The following MGAT4C variants were observed in gnomAD, a reference collection of about 807,000 sequenced individuals.
The protein encoded by MGAT4C is alpha-1,3-mannosyl-glycoprotein 4-beta-N-acetylglucosaminyltransferase C.
Under a neutral mutation model 40.1 loss-of-function variants are expected in MGAT4C, and 19 were observed. The ratio of observed to expected loss-of-function variants is 0.47; its 90% CI spans 0.33 to 0.70. The LOEUF is 0.70. Ranked by LOEUF, MGAT4C falls within the 30% of genes least tolerant of loss-of-function variation. The probability of loss-of-function intolerance (pLI) is 0.02; values close to 1 mark genes in which losing one functional copy is unlikely to be tolerated. For missense variants in MGAT4C, 491 were observed against 563.2 expected, an observed-to-expected ratio of 0.87 and a Z score of 1.30; for synonymous variants, 181 against 187.1, an observed-to-expected ratio of 0.97 and a Z score of 0.27.
chr12:86,684,472 A>G (rs1950036166), intron 2 of MGAT4C, among the ~76,000 whole-genome samples: 1 of 152,200 alleles, frequency 6.6e-6, no homozygotes, highest in Admixed American at 6.5e-5. Context: ...TGCTCAGGTA[A>G]ATAGTGCTGG....
intron 4 of MGAT4C, among the ~76,000 whole-genome samples, chr12:85,981,006 C>T (rs996394708): frequency 6.6e-6 from 1 of 151,768 alleles, no homozygotes; most frequent in African/African-American, 2.4e-5. Flanking sequence ...TACTAGAATT[C>T]GTAATTGGAC....
intron 3 of MGAT4C, among the ~76,000 whole-genome samples, chr12:86,375,468 G>T (rs1336907327): frequency 6.6e-6 from 1 of 151,808 alleles, no homozygotes; most frequent in Admixed American, 6.6e-5. Flanking sequence ...ATCATCTAAG[G>T]TTTATTTTTT....
chr12:86,066,964 T>C (rs1894603399), intron 1 of MGAT4C, among the ~76,000 whole-genome samples: 1 of 152,116 alleles, frequency 6.6e-6, no homozygotes, highest in Non-Finnish European at 1.5e-5. Flanking sequence ...AAAAAGCTCA[T>C]CATCACTGGT....
rs148652337 is a variant in MGAT4C at position 86,017,128 on chromosome 12, T to C, written c.-6-27576A>G. ...TCTGATCTTCTTAAATTTGAAAACA[T>C]TTAAAAAAAACGTATTATATCACTT... On this transcript the variant is annotated intron_variant, in intron 2 of 4. Transcript: ENST00000611864. Among the ~76,000 whole-genome samples, 737 of 152,184 alleles carry C rather than the reference T, an allele frequency of 4.8e-3. 8 individuals carry two copies. The highest frequency in any genetic ancestry group is 4.6e-3 in the Non-Finnish European group (311 of 67,992).
intron 1 of MGAT4C, among the ~76,000 whole-genome samples, chr12:86,163,276 C>T (rs1885811999): frequency 6.6e-6 from 1 of 151,928 alleles, no homozygotes; most frequent in Admixed American, 6.6e-5. Flanking sequence ...AAACCTACTG[C>T]AGGCTCCAAT....
rs139054314 is a variant in MGAT4C at position 85,971,394 on chromosome 12, G to A, written c.*7895C>T. 32 of 150,996 alleles carry A rather than the reference G, an allele frequency of 2.1e-4. No individual in the cohort carries two copies. The East Asian group carries it at 5.2e-3, about 25-fold the overall frequency. The allele number at this position is 150,996 out of a possible 1,614,324, so 9.4% of individuals were successfully genotyped here. ...TGTTGTTAACTTTTCAAAGATGATC[G>A]GTTTAGATTGCTTTAACTTGAAGGA... On this transcript the variant is annotated 3_prime_UTR_variant, in exon 5 of 5. Transcript: ENST00000611864.
chr12:86,437,655 T>A (rs2136274987), intron 2 of MGAT4C, among the ~76,000 whole-genome samples: 1 of 152,072 alleles, frequency 6.6e-6, no homozygotes, highest in Non-Finnish European at 1.5e-5. Flanking sequence ...TTGAATAAAT[T>A]ATCAGCACCA....
At chr12:86,381,172 T>C (rs893568343) in intron 3 of MGAT4C, among the ~76,000 whole-genome samples, 2 of 152,130 alleles carry the variant, frequency 1.3e-5, no homozygotes, top group East Asian at 3.9e-4. Flanking sequence ...TATAATGGTG[T>C]TCATTTGTCA....
chr12:86,180,949 A>G (rs1028484136), intron 1 of MGAT4C, among the ~76,000 whole-genome samples: 1 of 152,078 alleles, frequency 6.6e-6, no homozygotes, highest in Non-Finnish European at 1.5e-5. Context: ...ATGGAATGAT[A>G]TGGTTTGGCT....
chr12:85,985,285 T>C (rs181421110), intron 3 of MGAT4C, among the ~76,000 whole-genome samples: 62 of 152,278 alleles, frequency 4.1e-4, no homozygotes, highest in Admixed American at 2.4e-3. Flanking sequence ...TACTTCTACT[T>C]CGCATCAATC....
intron 3 of MGAT4C, among the ~76,000 whole-genome samples, chr12:86,346,103 T>C (rs1955026620): frequency 6.6e-6 from 1 of 152,226 alleles, no homozygotes; most frequent in South Asian, 2.1e-4. Flanking sequence ...AAATGCTATT[T>C]ATATAAATTG....
At chr12:86,377,389 A>G (rs146845816) in intron 3 of MGAT4C, among the ~76,000 whole-genome samples, 5,116 of 152,168 alleles carry the variant, frequency 0.034, 131 homozygotes, top group Non-Finnish European at 0.047. Flanking sequence ...CAAAAATCTT[A>G]CTGCTTTTTT....
At chr12:86,766,980 C>T (rs145362211) in intron 1 of MGAT4C, among the ~76,000 whole-genome samples, 2,948 of 152,140 alleles carry the variant, frequency 0.019, 40 homozygotes, top group Non-Finnish European at 0.029. Flanking sequence ...AGAGCAAACA[C>T]ATTCAAAAGG....
chr12:86,769,458 G>C (rs111876871), intron 1 of MGAT4C, among the ~76,000 whole-genome samples: 37 of 152,224 alleles, frequency 2.4e-4, no homozygotes, highest in Admixed American at 6.5e-4. Flanking sequence ...TCAGTGTGGC[G>C]ATTCCTCAGG....
At chr12:86,637,822 C>T (rs1224386147) in intron 2 of MGAT4C, among the ~76,000 whole-genome samples, 1 of 151,954 alleles carries the variant, frequency 6.6e-6, no homozygotes, top group Non-Finnish European at 1.5e-5. Flanking sequence ...TATCTACATA[C>T]ATCTTAGTCT....
Position 86,325,898 on chromosome 12 carries a change from T to C in MGAT4C, c.-57+8167A>G, listed in dbSNP as rs140880667. On this transcript the variant is annotated intron_variant, in intron 4 of 7. Transcript: ENST00000548651. ...TCTCCAAAAAGAAAAAAAAAAATAA[T>C]AATGCTTGACACAGGGTTCCCTATA... is the stretch of plus-strand genomic sequence containing the variant. Among the ~76,000 whole-genome samples the C allele has an allele frequency of 3.0e-3, 454 of 151,494 alleles. 2 individuals carry two copies. Among genetic ancestry groups the C allele is most frequent in the African/African-American group, 0.01 (433 of 41,328 alleles).
At chr12:86,568,563 T>TATAC (rs1555205569) in intron 2 of MGAT4C, among the ~76,000 whole-genome samples, 1 of 150,044 alleles carries the variant, frequency 6.7e-6, no homozygotes, top group Non-Finnish European at 1.5e-5. Flanking sequence ...TATATATATA[T>TATAC]ATATCCTGTT....
At chr12:86,304,140 A>C (rs1289269875) in intron 4 of MGAT4C, among the ~76,000 whole-genome samples, 2 of 150,720 alleles carry the variant, frequency 1.3e-5, no homozygotes, top group Non-Finnish European at 2.9e-5. Context: ...CTTTTCTAGA[A>C]CTATAATTAA....
chr12:86,766,302 C>T (rs1951506561), intron 1 of MGAT4C, among the ~76,000 whole-genome samples: 1 of 152,038 alleles, frequency 6.6e-6, no homozygotes, highest in South Asian at 2.1e-4. Context: ...GGGATCAATT[C>T]AATAAGAAGA....
Sources: allele counts gnomAD v4.1 joint callset (sites outside exome capture counted in the v4.1 genomes callset), GRCh38; gene constraint gnomAD v4.1.1; transcripts MANE v1.5; gene names NCBI Gene and HGNC (gene_info 2026-07-23, HGNC 2026-07-21).